MTPN: variants seen among roughly 807,000 people sequenced by gnomAD.
MTPN encodes the protein granule cell differentiation protein.
In MTPN, 2 loss-of-function variants were observed where a neutral mutation model predicts 13.5. That is an observed-to-expected ratio of 0.15 (90% CI 0.06 to 0.47). The LOEUF (loss-of-function observed/expected upper bound fraction) is 0.47. Ranked by LOEUF, MTPN falls within the 20% of genes least tolerant of loss-of-function variation. The pLI, the probability that MTPN is intolerant of heterozygous loss-of-function variation, is 0.97. For missense variants in MTPN, 79 were observed against 137.9 expected, an observed-to-expected ratio of 0.57 and a Z score of 2.14; for synonymous variants, 46 against 51.7, an observed-to-expected ratio of 0.89 and a Z score of 0.48.
At position 135,977,245 on chromosome 7, in the gene MTPN, G is replaced by A; in HGVS notation, c.-145C>T. The A allele has an allele frequency of 1.2e-6, 1 of 804,866 alleles. No homozygotes were observed. Among genetic ancestry groups the A allele is most frequent in the Non-Finnish European group, 2.0e-6 (1 of 489,682 alleles). The allele number at this position is 804,866 out of a possible 1,614,324, so 49.9% of individuals were successfully genotyped here. ...GAAGGAGGGTTAGGCTGCCAGGCGG[G>A]CGAGGCAGTTGGCCGCGGCGACCGT... On this transcript the variant is annotated 5_prime_UTR_variant, in exon 1 of 4. Transcript: ENST00000393085.
chr7:135,966,255 C>G (rs1324167765), intron 1 of MTPN, among the ~76,000 whole-genome samples: 1 of 152,102 alleles, frequency 6.6e-6, no homozygotes, highest in African/African-American at 2.4e-5. Flanking sequence ...ACCTAACCTG[C>G]CATCACAGCT....
intron 1 of MTPN, among the ~76,000 whole-genome samples, chr7:135,964,921 C>T (rs879537186): frequency 2.0e-5 from 3 of 152,158 alleles, no homozygotes; most frequent in East Asian, 1.9e-4. Context: ...GTGCAAACTA[C>T]GGCTCATGGG....
rs1343989693 is a variant in MTPN at position 135,928,863 on chromosome 7, G to A, written c.*1063C>T. ...ACAACTCTGGGAAACCTGGTTACAA[G>A]TGTATTTTTGAAGGGATGGGGCTAA... On this transcript the variant is annotated 3_prime_UTR_variant, in exon 4 of 4. Transcript: ENST00000393085. The A allele has an allele frequency of 1.2e-5, 2 of 167,076 alleles. No individual in the cohort carries two copies. Among genetic ancestry groups the A allele is most frequent in the East Asian group, 1.9e-4 (1 of 5,206 alleles). 10.3% of individuals were successfully genotyped at this position (167,076 alleles called of 1,614,324 possible). A position where few individuals can be genotyped will look rare whatever the true frequency, so the allele number is the denominator to read the frequency against.
At chr7:135,964,744 G>C (rs760966628) in intron 1 of MTPN, among the ~76,000 whole-genome samples, 2 of 151,890 alleles carry the variant, frequency 1.3e-5, no homozygotes, top group Non-Finnish European at 2.9e-5. Context: ...TGCTTTTCCA[G>C]TCCAACATCT....
At chr7:135,946,124 A>G (rs1167821483) in intron 3 of MTPN, among the ~76,000 whole-genome samples, 1 of 152,228 alleles carries the variant, frequency 6.6e-6, no homozygotes, top group Non-Finnish European at 1.5e-5. Flanking sequence ...ATGAACTCTG[A>G]ACTTAGGAAA....
At chr7:135,965,139 A>T (rs1221666339) in intron 1 of MTPN, among the ~76,000 whole-genome samples, 3 of 152,104 alleles carry the variant, frequency 2.0e-5, no homozygotes, top group Admixed American at 1.3e-4. Context: ...GGCCTCTCTA[A>T]ATCTCCTCTA....
chr7:135,977,295 T>C lies in MTPN; in HGVS notation c.-195A>G, dbSNP rs1166364331. On this transcript the variant is annotated 5_prime_UTR_variant, in exon 1 of 4. Transcript: ENST00000393085. ...TTCGGGCGGGAGAAAGAAAGTTCTT[T>C]TGCGGCCACCGGGCCCAGCAGAGAG... The C allele has an allele frequency of 8.1e-6, 5 of 613,654 alleles. No individual in the cohort carries two copies. The highest frequency in any genetic ancestry group is 2.8e-5 in the Admixed American group (1 of 36,238). 38.0% of individuals were successfully genotyped at this position (613,654 alleles called of 1,614,324 possible).
chr7:135,974,735 T>TAG (rs1336622491), intron 1 of MTPN, among the ~76,000 whole-genome samples: 3 of 152,186 alleles, frequency 2.0e-5, no homozygotes, highest in African/African-American at 2.4e-5. Context: ...CCTACTCAGA[T>TAG]AGATGCACAT....
chr7:135,957,222 C>CTAG (rs1302884766), intron 1 of MTPN, among the ~76,000 whole-genome samples: 1 of 152,184 alleles, frequency 6.6e-6, no homozygotes, highest in East Asian at 1.9e-4. Flanking sequence ...TGAAACACTA[C>CTAG]TACTTCATAG....
At chr7:135,956,448 G>C (rs1799445126) in intron 1 of MTPN, among the ~76,000 whole-genome samples, 1 of 152,210 alleles carries the variant, frequency 6.6e-6, no homozygotes, top group East Asian at 1.9e-4. Context: ...ATGTTACCAT[G>C]TTTTCCTTTT....
At chr7:135,969,520 C>A (rs1799660865) in intron 1 of MTPN, among the ~76,000 whole-genome samples, 1 of 148,236 alleles carries the variant, frequency 6.7e-6, no homozygotes, top group African/African-American at 2.5e-5. Flanking sequence ...TGAGAACTGT[C>A]AAAAAAAAAG....
intron 1 of MTPN, among the ~76,000 whole-genome samples, chr7:135,961,595 A>G (rs1799523739): frequency 6.6e-6 from 1 of 151,864 alleles, no homozygotes; most frequent in Admixed American, 6.6e-5. Context: ...CTCCTGGGCT[A>G]AAGCAACCCA....
At chr7:135,973,126 T>C (rs1414982613) in intron 1 of MTPN, among the ~76,000 whole-genome samples, 1 of 150,500 alleles carries the variant, frequency 6.6e-6, no homozygotes, top group Non-Finnish European at 1.5e-5. Flanking sequence ...TGCAGGAGAC[T>C]GGCTGAAAAA....
At chr7:135,938,682 T>A (rs1799153750) in intron 3 of MTPN, among the ~76,000 whole-genome samples, 1 of 152,034 alleles carries the variant, frequency 6.6e-6, no homozygotes, top group Non-Finnish European at 1.5e-5. Flanking sequence ...CAAAATTAAA[T>A]CAGAAACAGA....
chr7:135,951,098 A>G (rs1799358376), intron 2 of MTPN, among the ~76,000 whole-genome samples: 1 of 152,228 alleles, frequency 6.6e-6, no homozygotes, highest in African/African-American at 2.4e-5. Context: ...CAGAAGCTAC[A>G]AAAGGCTAAA....
At chr7:135,969,778 G>A (rs979876198) in intron 1 of MTPN, among the ~76,000 whole-genome samples, 3 of 152,090 alleles carry the variant, frequency 2.0e-5, no homozygotes, top group Admixed American at 6.5e-5. Context: ...AACTGGGAAC[G>A]ATATTTGCAA....
intron 1 of MTPN, among the ~76,000 whole-genome samples, chr7:135,959,645 T>C (rs1481950987): frequency 6.6e-6 from 1 of 152,148 alleles, no homozygotes; most frequent in African/African-American, 2.4e-5. Flanking sequence ...AAATAGAACA[T>C]GTCTTACATC....
At chr7:135,941,840 A>T (rs1223497569) in intron 3 of MTPN, among the ~76,000 whole-genome samples, 1 of 150,262 alleles carries the variant, frequency 6.7e-6, no homozygotes, top group African/African-American at 2.5e-5. Flanking sequence ...CCTTCAAATT[A>T]CTCCTCTTCA....
rs773304836 is a variant in MTPN at position 135,930,023 on chromosome 7, G to GAGGA, written c.271-15_271-12dup. ...AGTCTTATCAGCACCCTGGAAAAGA[G>GAGGA]AGGAAAGGGCTCATTAAATGAGCCC... On this transcript the variant is annotated splice_polypyrimidine_tract_variant and intron_variant, in intron 3 of 3. Coordinates refer to ENST00000393085, the MANE Select transcript of MTPN (RefSeq NM_145808.4). The GAGGA allele has an allele frequency of 6.3e-7, 1 of 1,597,398 alleles. No individual in the cohort carries two copies. Among genetic ancestry groups the GAGGA allele is most frequent in the South Asian group, 1.1e-5 (1 of 90,906 alleles).
Sources: gnomAD v4.1 joint callset for allele counts (sites outside exome capture counted in the v4.1 genomes callset) on GRCh38, gnomAD v4.1.1 for gene constraint, MANE v1.5 for transcripts, NCBI Gene and HGNC (gene_info 2026-07-23, HGNC 2026-07-21) for gene names.